NRXN1: variants seen among roughly 807,000 people sequenced by gnomAD.
NRXN1 encodes the protein neurexin-1.
Under a neutral mutation model 150.9 loss-of-function variants are expected in NRXN1, and 39 were observed. That is an observed-to-expected ratio of 0.26 (90% CI 0.20 to 0.34). The LOEUF is 0.34. Ranked by LOEUF, NRXN1 falls within the 10% of genes least tolerant of loss-of-function variation. NRXN1 has a pLI of 1.00. For missense variants in NRXN1, 1,815 were observed against 1,949.9 expected (o/e 0.93, Z 1.30); for synonymous variants, 924 against 757.0 (o/e 1.22, Z -3.62).
In NRXN1 at chr2:50,014,598, AC is replaced by A. The variant is rs1417837041; in HGVS notation, c.4128+38672del. On this transcript the variant is annotated intron_variant, in intron 21 of 22. Transcript: ENST00000401669. ...GAGGGCAAAATCTCCCTAGTTGAGA[AC>A]CACTGATTTGTTCTTAACACCACGT... Among the ~76,000 whole-genome samples, 14 of 152,274 alleles carry A rather than the reference AC, an allele frequency of 9.2e-5. No homozygotes were observed. In the East Asian group the frequency reaches 2.7e-3, roughly 29 times the overall value.
At chr2:50,099,993 C>T (rs1213888934) in intron 18 of NRXN1, among the ~76,000 whole-genome samples, 3 of 152,066 alleles carry the variant, frequency 2.0e-5, no homozygotes, top group African/African-American at 7.2e-5. Flanking sequence ...AAGCAGTTCT[C>T]ACGGAAAAAA....
At position 50,482,020 on chromosome 2, in the gene NRXN1, G is replaced by A. The variant is rs961314247; in HGVS notation, c.3071-9549C>T. Among the ~76,000 whole-genome samples, 48 of 137,038 alleles carry A rather than the reference G, an allele frequency of 3.5e-4. 5 individuals carry two copies. The highest frequency in any genetic ancestry group is 1.7e-3 in the African/African-American group (47 of 27,828). The allele number at this position is 137,038 out of a possible 152,430, so 89.9% of individuals were successfully genotyped here. On this transcript the variant is annotated intron_variant, in intron 15 of 22. Transcript: ENST00000401669. ...CCTGACCTCGTGATCCGCCCGCCTC[G>A]GCCTCCCAAAGTGCTGGGATTACAG... is the stretch of plus-strand genomic sequence containing the variant.
At chr2:50,685,807 C>T (rs754111008) in intron 5 of NRXN1, among the ~76,000 whole-genome samples, 2 of 152,064 alleles carry the variant, frequency 1.3e-5, no homozygotes, top group Non-Finnish European at 2.9e-5. Flanking sequence ...CATCATCAAA[C>T]CCCAATGTCT....
intron 5 of NRXN1, among the ~76,000 whole-genome samples, chr2:50,915,110 T>A (rs1272643261): frequency 6.6e-6 from 1 of 151,682 alleles, no homozygotes; most frequent in African/African-American, 2.4e-5. Context: ...TCGGTTTTAG[T>A]CTCCTTAACA....
chr2:50,447,885 T>C (rs551516600), intron 17 of NRXN1, among the ~76,000 whole-genome samples: 24 of 150,582 alleles, frequency 1.6e-4, no homozygotes, highest in African/African-American at 5.6e-4. Context: ...CATTCACCAA[T>C]GATGGCAGAA....
rs1431087928 is a variant in NRXN1, at chr2:50,886,946, A to T, written c.832+34923T>A. Among the ~76,000 whole-genome samples, 6 of 151,508 alleles carry T rather than the reference A, an allele frequency of 4.0e-5. No individual in the cohort carries two copies. The Admixed American group carries it at 4.0e-4, about 10-fold the overall frequency. On this transcript the variant is annotated intron_variant, in intron 5 of 22. Coordinates refer to ENST00000401669, the MANE Select transcript of NRXN1 (RefSeq NM_001330078.2). ...TCACTGGCCTTATTCTTCTTTAAGA[A>T]AAAGAACTAGTCAGTTAAATTTCAA...
chr2:50,895,801 A>G (rs1681852770), intron 5 of NRXN1, among the ~76,000 whole-genome samples: 1 of 151,846 alleles, frequency 6.6e-6, no homozygotes, highest in Non-Finnish European at 1.5e-5. Flanking sequence ...GCTTGTCCCA[A>G]ACTCCTGATC....
At chr2:50,619,097 T>C (rs1034859155) in intron 8 of NRXN1, 2 of 152,136 alleles carry the variant, frequency 1.3e-5, no homozygotes, top group African/African-American at 4.8e-5. Flanking sequence ...CTTAACTGAA[T>C]CAAGTTTATA....
chr2:50,177,458 T>G (rs1367617238), intron 18 of NRXN1, among the ~76,000 whole-genome samples: 8 of 151,898 alleles, frequency 5.3e-5, no homozygotes, highest in Non-Finnish European at 1.2e-4. Context: ...GAAAAGTATA[T>G]TATTTGAATA....
intron 17 of NRXN1, among the ~76,000 whole-genome samples, chr2:50,426,785 T>C (rs2084532387): frequency 1.3e-5 from 2 of 152,318 alleles, no homozygotes; most frequent in South Asian, 4.1e-4. Context: ...TTCTATGGTA[T>C]AATACATTTC....
intron 18 of NRXN1, among the ~76,000 whole-genome samples, chr2:50,100,645 G>A (rs997379052): frequency 6.6e-6 from 1 of 152,040 alleles, no homozygotes; most frequent in Admixed American, 6.6e-5. Flanking sequence ...AAGCCTTTTC[G>A]TGATACTTCC....
At position 50,647,023 on chromosome 2, in the gene NRXN1, A is replaced by AT. The variant is rs34502206; in HGVS notation, c.833-23409dup. On this transcript the variant is annotated intron_variant, in intron 5 of 22. Coordinates refer to ENST00000401669, the MANE Select transcript of NRXN1 (RefSeq NM_001330078.2). ...AAGCATTATATTGTTTGAGAGGGCA[A>AT]TTTTTTTTTTTTCAATTTAGGTGGT... Among the ~76,000 whole-genome samples the AT allele has an allele frequency of 1.6e-3, 231 of 146,486 alleles. 1 individual carries two copies. Among genetic ancestry groups the AT allele is most frequent in the African/African-American group, 2.7e-3 (111 of 40,364 alleles).
At chr2:50,328,001 A>G (rs916326876) in intron 17 of NRXN1, among the ~76,000 whole-genome samples, 2 of 151,860 alleles carry the variant, frequency 1.3e-5, no homozygotes, top group Admixed American at 6.6e-5. Flanking sequence ...TATATTTTTT[A>G]TATGTGTATT....
chr2:49,976,438 A>T (rs1679005254), intron 21 of NRXN1, among the ~76,000 whole-genome samples: 1 of 152,150 alleles, frequency 6.6e-6, no homozygotes, highest in Non-Finnish European at 1.5e-5. Flanking sequence ...ACATAGTTTT[A>T]TTAGGTATCA....
At chr2:49,996,675 A>G (rs963664664) in intron 21 of NRXN1, among the ~76,000 whole-genome samples, 33 of 152,212 alleles carry the variant, frequency 2.2e-4, no homozygotes, top group African/African-American at 8.0e-4. Context: ...GGAAGGGGCC[A>G]TAAACTGAGG....
At chr2:50,799,503 TAC>T (rs1458517033) in intron 5 of NRXN1, among the ~76,000 whole-genome samples, 2 of 152,160 alleles carry the variant, frequency 1.3e-5, no homozygotes, top group Admixed American at 1.3e-4. Context: ...ATCCCCTAAT[TAC>T]AGTTGTTCAG....
Position 50,086,818 on chromosome 2 carries a change from G to A in NRXN1, c.3718+4505C>T, listed in dbSNP as rs1053164535. 1.2e-4 allele frequency among the ~76,000 whole-genome samples: 15 copies of A among 127,106 alleles called. No homozygotes were observed. The East Asian group carries it at 3.2e-3, about 27-fold the overall frequency. The allele number at this position is 127,106 out of a possible 152,430, so 83.4% of individuals were successfully genotyped here. On this transcript the variant is annotated intron_variant, in intron 19 of 22. Coordinates refer to ENST00000401669, the MANE Select transcript of NRXN1 (RefSeq NM_001330078.2). ...GAGAGAGAGGGGGAGAGGCAGAGAA[G>A]AATGAGAGAGAGAGAGAGAGAGAGA...
At chr2:49,992,399 C>T (rs1231215724) in intron 21 of NRXN1, among the ~76,000 whole-genome samples, 1 of 103,014 alleles carries the variant, frequency 9.7e-6, no homozygotes, top group Non-Finnish European at 2.3e-5. Flanking sequence ...AAAAAAAACA[C>T]CCCAAAAACA....
intron 17 of NRXN1, among the ~76,000 whole-genome samples, chr2:50,387,808 A>G (rs1297122938): frequency 2.0e-5 from 3 of 152,232 alleles, no homozygotes; most frequent in Non-Finnish European, 4.4e-5. Context: ...TAAAATAATC[A>G]GCACCATTAT....
Sources: allele counts gnomAD v4.1 joint callset (sites outside exome capture counted in the v4.1 genomes callset), GRCh38; gene constraint gnomAD v4.1.1; transcripts MANE v1.5; gene names NCBI Gene and HGNC (gene_info 2026-07-23, HGNC 2026-07-21).